FBLIM1: variants seen among roughly 807,000 people sequenced by gnomAD.
FBLIM1 encodes filamin-binding LIM protein 1.
Under a neutral mutation model 37.4 loss-of-function variants are expected in FBLIM1, and 29 were observed. The ratio of observed to expected loss-of-function variants is 0.77; its 90% CI spans 0.58 to 1.06. The LOEUF (loss-of-function observed/expected upper bound fraction) is 1.06, where lower values mean the gene tolerates loss of function less well. Ranked by LOEUF, FBLIM1 falls within the 50% of genes least tolerant of loss-of-function variation. FBLIM1 has a pLI of 0.00. For missense variants in FBLIM1, 449 were observed against 505.6 expected, an observed-to-expected ratio of 0.89 and a Z score of 1.07; for synonymous variants, 193 against 199.0, an observed-to-expected ratio of 0.97 and a Z score of 0.25.
At chr1:15,775,968 G>A (rs2069473435) in intron 7 of FBLIM1, among the ~76,000 whole-genome samples, 1 of 152,166 alleles carries the variant, frequency 6.6e-6, no homozygotes, top group South Asian at 2.1e-4. Flanking sequence ...CTCCCAGCAA[G>A]AAAGGTGGGA....
chr1:15,765,149 T>C lies in FBLIM1; in HGVS notation c.166T>C (p.Leu56=). 1 of 1,613,746 alleles carries C rather than the reference T, an allele frequency of 6.2e-7. No homozygotes were observed. The highest frequency in any genetic ancestry group is 8.5e-7 in the Non-Finnish European group (1 of 1,179,856). ...CCCCATGAAGACACCCGAGGCTGGCTTGGCGGGGAGGCCCAGCCCCTGGAC... is the reference window on the plus strand; with the variant it reads ...CCCCATGAAGACACCCGAGGCTGGCCTGGCGGGGAGGCCCAGCCCCTGGAC... ...PAPMKTPEAG[L]AGRPSPWTTP... is the part of the protein sequence containing the mutation. The change falls in exon 3 of 9, where the codon TTG becomes CTG. Residue 56 remains leucine, a synonymous_variant. Transcript: ENST00000375766. The surrounding 1 kb of genome is among the most constrained non-coding windows in gnomAD (Gnocchi z 5.9).
At chr1:15,782,395 G>A (rs1159330997) in intron 8 of FBLIM1, among the ~76,000 whole-genome samples, 1 of 148,022 alleles carries the variant, frequency 6.8e-6, no homozygotes. Flanking sequence ...GTGACAGAGT[G>A]AGACTCTATC....
Position 15,764,945 on chromosome 1 carries a change from T to A in FBLIM1, c.-20-19T>A, listed in dbSNP as rs761152982. ...GTGTCTGGGTGGCAATCCTGTGCTGTACCCCACTCTGTCCCTAGCCACACC... is the reference window on the plus strand; with the variant it reads ...GTGTCTGGGTGGCAATCCTGTGCTGAACCCCACTCTGTCCCTAGCCACACC... On this transcript the variant is annotated intron_variant, in intron 2 of 8. Transcript: ENST00000375766. The A allele has an allele frequency of 6.3e-7, 1 of 1,587,488 alleles. No individual in the cohort carries two copies. The highest frequency in any genetic ancestry group is 1.2e-5 in the South Asian group (1 of 86,648).
At chr1:15,775,078 G>T (rs923751738) in intron 7 of FBLIM1, 1 of 592,320 alleles carries the variant, frequency 1.7e-6, no homozygotes, top group Non-Finnish European at 2.9e-6. Context: ...AAATTAGCCA[G>T]GCATGGTGGC....
Position 15,765,188 on chromosome 1 carries a change from G to C in FBLIM1, c.205G>C (p.Ala69Pro). 1.2e-6 allele frequency: 2 copies of C among 1,613,778 alleles called. No homozygotes were observed. The highest frequency in any genetic ancestry group is 1.7e-6 in the Non-Finnish European group (2 of 1,179,914). Residue 69 changes from alanine to proline, a missense_variant, in exon 3 of 9, where the codon GCT becomes CCT. Transcript: ENST00000375766. This position sits in a 1 kb window ranked among gnomAD's most constrained non-coding sequence, Gnocchi z 5.9. Reference protein sequence around the residue: ...RPSPWTTPGRAAATVPAAPMQ... With the variant: ...RPSPWTTPGRPAATVPAAPMQ... ...CAGCCCCTGGACAACCCCTGGCAGA[G>C]CTGCAGCCACAGTGCCGGCTGCACC... is the stretch of plus-strand genomic sequence containing the variant.
chr1:15,784,222 G>C (rs1304110562), intron 8 of FBLIM1, among the ~76,000 whole-genome samples: 1 of 152,078 alleles, frequency 6.6e-6, no homozygotes, highest in Non-Finnish European at 1.5e-5. Context: ...AATAATAAAG[G>C]AGCTATTAAG....
intron 3 of FBLIM1, among the ~76,000 whole-genome samples, chr1:15,766,174 C>G (rs2068910342): frequency 6.6e-6 from 1 of 152,060 alleles, no homozygotes; most frequent in Admixed American, 6.6e-5. Flanking sequence ...GTGGTGTGAT[C>G]ACGGCTCACT....
Position 15,773,681 on chromosome 1 carries a change from GAA to G in FBLIM1, c.712-919_712-918del, listed in dbSNP as rs35429082. 1.5e-3 allele frequency among the ~76,000 whole-genome samples: 160 copies of G among 106,950 alleles called. 2 individuals carry two copies. The highest frequency in any genetic ancestry group is 5.4e-3 in the East Asian group (20 of 3,678). The allele number at this position is 106,950 out of a possible 152,430, so 70.2% of individuals were successfully genotyped here. ...TTGACAAGAGCAAAACTCCGTCTCA[GAA>G]AAAAAAAAAAAAAAAAAGGTAGATC... is the stretch of plus-strand genomic sequence containing the variant. On this transcript the variant is annotated intron_variant, in intron 6 of 8. Coordinates refer to ENST00000375766, the MANE Select transcript of FBLIM1 (RefSeq NM_017556.4).
intron 5 of FBLIM1, among the ~76,000 whole-genome samples, chr1:15,769,819 A>G (rs562908684): frequency 7.4e-4 from 113 of 152,106 alleles, no homozygotes; most frequent in Non-Finnish European, 1.4e-3. Context: ...TATTTTTAGT[A>G]GAGACAGGGT....
chr1:15,770,864 G>C (rs955143549), intron 6 of FBLIM1, among the ~76,000 whole-genome samples: 1 of 152,210 alleles, frequency 6.6e-6, no homozygotes, highest in South Asian at 2.1e-4. Context: ...CCAAAACCAA[G>C]GTGGTGTGCT....
At chr1:15,770,274 C>T (rs1443653363) in intron 5 of FBLIM1, 135 bp from the exon 6 acceptor site, 2 of 890,642 alleles carry the variant, frequency 2.2e-6, no homozygotes, top group Admixed American at 5.5e-5. Flanking sequence ...CTCCTCATGA[C>T]CCTCTGTATT....
intron 7 of FBLIM1, among the ~76,000 whole-genome samples, chr1:15,776,605 C>T (rs1166864270): frequency 6.6e-6 from 1 of 152,196 alleles, no homozygotes; most frequent in African/African-American, 2.4e-5. Context: ...TGGCTCACGC[C>T]TGTAATCCCA....
chr1:15,771,259 T>G lies in FBLIM1; in HGVS notation c.711+681T>G, dbSNP rs963193084. 1.1e-3 allele frequency among the ~76,000 whole-genome samples: 163 copies of G among 150,982 alleles called. 3 individuals are homozygous for G. Among genetic ancestry groups the G allele is most frequent in the African/African-American group, 3.7e-3 (152 of 41,106 alleles). On this transcript the variant is annotated intron_variant, in intron 6 of 8. Coordinates refer to ENST00000375766, the MANE Select transcript of FBLIM1 (RefSeq NM_017556.4). The stretch of plus-strand genomic sequence containing the variant: ...AGCCTGTTTTTTTTTGTTTTTTTTT[T>G]TTTTTAAGATGGAGGCTCATTCTGT...
intron 6 of FBLIM1, 129 bp downstream of exon 6, chr1:15,770,707 G>A: frequency 1.7e-6 from 2 of 1,161,440 alleles, no homozygotes; most frequent in South Asian, 1.6e-5. Flanking sequence ...TGAGGAAACT[G>A]AGGCTCAGAA....
At chr1:15,781,590 C>G (rs1442608204) in intron 8 of FBLIM1, among the ~76,000 whole-genome samples, 1 of 150,944 alleles carries the variant, frequency 6.6e-6, no homozygotes, top group Non-Finnish European at 1.5e-5. Context: ...GTGCTGTTAA[C>G]TAAGAAGAAA....
At chr1:15,766,204 C>T (rs2068912374) in intron 3 of FBLIM1, among the ~76,000 whole-genome samples, 1 of 152,066 alleles carries the variant, frequency 6.6e-6, no homozygotes, top group Non-Finnish European at 1.5e-5. Flanking sequence ...ACCTCCCTGG[C>T]TCAAGCAATC....
chr1:15,773,996 G>A (rs755447515), intron 6 of FBLIM1, among the ~76,000 whole-genome samples: 45 of 152,022 alleles, frequency 3.0e-4, no homozygotes, highest in Admixed American at 7.9e-4. Flanking sequence ...TTAGCCGGGC[G>A]TGGTGGCGCA....
Position 15,784,848 on chromosome 1 carries a change from C to T in FBLIM1, c.*187C>T, listed in dbSNP as rs574813002. On this transcript the variant is annotated 3_prime_UTR_variant, in exon 9 of 9. Transcript: ENST00000375766. ...CCCCCAGGCCTTCCACTCCTCTACC[C>T]TCTGGGCACCAGAAGGCTCCTGGAC... 50 of 486,502 alleles carry T rather than the reference C, an allele frequency of 1.0e-4. No individual in the cohort carries two copies. The highest frequency in any genetic ancestry group is 1.8e-4 in the Non-Finnish European group (49 of 268,682). The allele number at this position is 486,502 out of a possible 1,614,324, so 30.1% of individuals were successfully genotyped here.
intron 7 of FBLIM1, 162 bp downstream of exon 7, chr1:15,774,958 C>T (rs765487605): frequency 1.4e-6 from 2 of 1,471,964 alleles, no homozygotes; most frequent in South Asian, 1.3e-5. Context: ...GTGGCTCACG[C>T]CTGTAATCCC....
Sources: allele counts gnomAD v4.1 joint callset (sites outside exome capture counted in the v4.1 genomes callset), GRCh38; gene constraint gnomAD v4.1.1; non-coding constraint Gnocchi (gnomAD v3.1); transcripts MANE v1.5; gene names NCBI Gene and HGNC (gene_info 2026-07-23, HGNC 2026-07-21).